WWP2: variants seen among roughly 807,000 people sequenced by gnomAD.
WWP2 encodes the protein WW domain containing E3 ubiquitin protein ligase 2, also known as NEDD4-like E3 ubiquitin-protein ligase WWP2.
A neutral mutation model predicts 121.0 loss-of-function variants in WWP2; 57 were observed. The ratio of observed to expected loss-of-function variants is 0.47; its 90% CI spans 0.38 to 0.59. WWP2 has a LOEUF of 0.59. Among genes scored for constraint, WWP2 ranks in the 20% least tolerant of loss-of-function variants. The pLI is 0.00. For synonymous variants in WWP2, 449 were observed against 441.3 expected, an observed-to-expected ratio of 1.02 and a Z score of -0.22; for missense variants, 962 against 1,158.9, an observed-to-expected ratio of 0.83 and a Z score of 2.47.
intron 4 of WWP2, among the ~76,000 whole-genome samples, chr16:69,802,971 C>G (rs1032022030): frequency 3.3e-5 from 5 of 152,104 alleles, no homozygotes; most frequent in African/African-American, 1.2e-4. Context: ...CAAAACACTT[C>G]CAGTCCCAAG....
In WWP2 at chr16:69,925,609, C is replaced by G; in HGVS notation, c.1234+125C>G. The G allele has an allele frequency of 7.7e-7, 1 of 1,303,670 alleles. No individual in the cohort carries two copies. Among genetic ancestry groups the G allele is most frequent in the Non-Finnish European group, 1.0e-6 (1 of 953,908 alleles). The allele number at this position is 1,303,670 out of a possible 1,614,324, so 80.8% of individuals were successfully genotyped here. ...TTTTCCATCTCTCCCCTCTCCAGCA[C>G]ACTCTCTGGGCATGCCCCACCAGAG... is the stretch of plus-strand genomic sequence containing the variant. On this transcript the variant is annotated intron_variant, in intron 11 of 23. Transcript: ENST00000359154. The surrounding 1 kb of genome is among the most constrained non-coding windows in gnomAD (Gnocchi z 4.0).
At chr16:69,868,654 C>T (rs2057572398) in intron 6 of WWP2, among the ~76,000 whole-genome samples, 1 of 113,196 alleles carries the variant, frequency 8.8e-6, no homozygotes, top group Non-Finnish European at 1.8e-5. Flanking sequence ...TCAACACATA[C>T]ACATGTGCAC....
intron 9 of WWP2, among the ~76,000 whole-genome samples, chr16:69,912,369 TCACACACACACACACA>T (rs3051446): frequency 5.7e-5 from 8 of 140,294 alleles, no homozygotes; most frequent in Admixed American, 1.4e-4. Context: ...GGAGTTAGAT[TCACACACACACACACA>T]CACACACACA....
chr16:69,929,064 C>G (rs529399253), intron 11 of WWP2, among the ~76,000 whole-genome samples: 1 of 152,138 alleles, frequency 6.6e-6, no homozygotes, highest in Admixed American at 6.6e-5. Context: ...CTGTGAGGGA[C>G]TTGGGTGGGG....
chr16:69,889,719 A>G (rs990712742), intron 8 of WWP2, among the ~76,000 whole-genome samples: 3 of 152,152 alleles, frequency 2.0e-5, no homozygotes, highest in East Asian at 1.9e-4. Flanking sequence ...GGTTGGGGCC[A>G]GTTTTCACTG....
At chr16:69,922,516 A>T (rs1276638991) in intron 10 of WWP2, among the ~76,000 whole-genome samples, 1 of 152,198 alleles carries the variant, frequency 6.6e-6, no homozygotes, top group Non-Finnish European at 1.5e-5. Context: ...GATAGAGAAC[A>T]TCTAGGATCT....
rs1359990568 is a variant in WWP2 at position 69,931,214 on chromosome 16, G to A, written c.1508G>A (p.Arg503His). Residue 503 changes from arginine (R) to histidine (H), a missense_variant, in exon 14 of 24, where the codon CGT becomes CAT. Around this residue, in one of 3 missense-constraint regions of WWP2, gnomAD observed 606 missense variants for 772.6 expected, o/e 0.78. Coordinates refer to ENST00000359154, the MANE Select transcript of WWP2 (RefSeq NM_001270454.2). ...RSFRWKYHQFRFLCHSNALPS... is the reference protein window; with the variant it reads ...RSFRWKYHQFHFLCHSNALPS... ...TTTCGGTGGAAGTATCACCAGTTCC[G>A]TTTCCTCTGCCATGTGAGTTCTGGT... 15 of 1,613,994 alleles carry A rather than the reference G, an allele frequency of 9.3e-6. No individual in the cohort carries two copies. The highest frequency in any genetic ancestry group is 2.7e-5 in the African/African-American group (2 of 74,900).
At chr16:69,855,844 T>A (rs2057300407) in intron 6 of WWP2, among the ~76,000 whole-genome samples, 1 of 152,270 alleles carries the variant, frequency 6.6e-6, no homozygotes, top group African/African-American at 2.4e-5. Context: ...ATCATTCTGA[T>A]GAATTTCTGC....
At chr16:69,779,318 A>G (rs1234100477) in intron 1 of WWP2, among the ~76,000 whole-genome samples, 1 of 152,218 alleles carries the variant, frequency 6.6e-6, no homozygotes, top group African/African-American at 2.4e-5. Context: ...TACATTATAT[A>G]ATGTCAGGGT....
intron 1 of WWP2, among the ~76,000 whole-genome samples, chr16:69,781,829 T>C (rs958102008): frequency 3.4e-4 from 51 of 152,070 alleles, no homozygotes; most frequent in African/African-American, 1.1e-3. Flanking sequence ...ACATCCCAAG[T>C]GGAAGGAAAG....
At chr16:69,896,517 G>A (rs1257809176) in intron 8 of WWP2, among the ~76,000 whole-genome samples, 1 of 152,002 alleles carries the variant, frequency 6.6e-6, no homozygotes, top group Non-Finnish European at 1.5e-5. Context: ...CCAAAGAGAG[G>A]GAGTGATGTG....
intron 4 of WWP2, among the ~76,000 whole-genome samples, chr16:69,801,383 C>T (rs999937783): frequency 4.0e-5 from 6 of 151,710 alleles, no homozygotes; most frequent in African/African-American, 9.7e-5. Context: ...TACAGGCACA[C>T]GCCACCATGG....
At chr16:69,927,007 G>C (rs1177017508) in intron 11 of WWP2, among the ~76,000 whole-genome samples, 1 of 152,154 alleles carries the variant, frequency 6.6e-6, no homozygotes, top group African/African-American at 2.4e-5. Context: ...AAGCACAGCT[G>C]ATGGAGACTT....
intron 4 of WWP2, among the ~76,000 whole-genome samples, chr16:69,829,777 C>A (rs6499259): frequency 2.0e-5 from 3 of 151,970 alleles, no homozygotes; most frequent in Non-Finnish European, 2.9e-5. Flanking sequence ...TTAATTGTAA[C>A]GTTCCTAAAA....
At chr16:69,802,122 G>A (rs984507490) in intron 4 of WWP2, among the ~76,000 whole-genome samples, 2 of 151,840 alleles carry the variant, frequency 1.3e-5, no homozygotes, top group African/African-American at 4.8e-5. Context: ...CAGAGACAGG[G>A]TTTCACTATG....
At chr16:69,868,191 G>T (rs764747845) in intron 6 of WWP2, among the ~76,000 whole-genome samples, 46 of 152,308 alleles carry the variant, frequency 3.0e-4, no homozygotes, top group Non-Finnish European at 5.9e-4. Context: ...GTGTTGGGGG[G>T]TGGTGGCTGG....
chr16:69,898,790 G>A (rs1267898369), intron 8 of WWP2, among the ~76,000 whole-genome samples: 1 of 152,038 alleles, frequency 6.6e-6, no homozygotes, highest in South Asian at 2.1e-4. Flanking sequence ...TGCAACCTCT[G>A]CCTCCCAGGT....
Position 69,930,186 on chromosome 16 carries a change from G to C in WWP2, c.1373G>C (p.Gly458Ala). The change falls in exon 13 of 24, where the codon GGG (glycine) becomes GCG (alanine). Residue 458 changes from glycine (G) to alanine (A), a missense_variant. Physicochemically the swap from Gly to Ala is moderately conservative, Grantham distance 60. Transcript: ENST00000359154. ...PGWEMKYTSE[G>A]VRYFVDHNTR... is the part of the protein sequence containing the mutation. ...TGGGAGATGAAATACACCAGCGAGG[G>C]GGTGCGATACTTTGTGGACCACAAT... 6.2e-7 allele frequency: 1 copy of C among 1,613,986 alleles called. No individual in the cohort carries two copies. The highest frequency in any genetic ancestry group is 8.5e-7 in the Non-Finnish European group (1 of 1,179,934).
At chr16:69,907,062 A>G (rs933253306) in intron 8 of WWP2, among the ~76,000 whole-genome samples, 1 of 152,230 alleles carries the variant, frequency 6.6e-6, no homozygotes, top group African/African-American at 2.4e-5. Flanking sequence ...TAAATATGGC[A>G]TTTTCTCTTG....
Sources: allele counts gnomAD v4.1 joint callset (sites outside exome capture counted in the v4.1 genomes callset), GRCh38; gene constraint gnomAD v4.1.1; regional missense constraint gnomAD v4.1.1; non-coding constraint Gnocchi (gnomAD v3.1); transcripts MANE v1.5; gene names NCBI Gene and HGNC (gene_info 2026-07-23, HGNC 2026-07-21).